ASXL2: variants seen among roughly 807,000 people sequenced by gnomAD.
ASXL2 encodes the protein ASXL transcriptional regulator 2, also known as putative Polycomb group protein ASXL2.
A neutral mutation model predicts 122.0 loss-of-function variants in ASXL2; 23 were observed. The observed-to-expected ratio is 0.19, with a 90% confidence interval of 0.14 to 0.27. The LOEUF is 0.27. ASXL2 is among the 10% of genes least tolerant of loss of function. The pLI is 1.00. For missense variants in ASXL2, 1,518 were observed against 1,713.8 expected (o/e 0.89, Z 2.02); for synonymous variants, 650 against 637.0 (o/e 1.02, Z -0.31).
intron 1 of ASXL2, among the ~76,000 whole-genome samples, chr2:25,873,972 A>C (rs1281889162): frequency 6.6e-6 from 1 of 152,222 alleles, no homozygotes; most frequent in Non-Finnish European, 1.5e-5. Flanking sequence ...CTTTGCAAAA[A>C]CTGCTAAAAT....
chr2:25,793,511 A>G (rs1487542722), intron 5 of ASXL2, among the ~76,000 whole-genome samples: 1 of 152,164 alleles, frequency 6.6e-6, no homozygotes, highest in African/African-American at 2.4e-5. Flanking sequence ...TTAAATTTTT[A>G]TTTTCTCCCA....
At chr2:25,827,334 A>G (rs1451013332) in intron 3 of ASXL2, among the ~76,000 whole-genome samples, 1 of 152,196 alleles carries the variant, frequency 6.6e-6, no homozygotes, top group East Asian at 1.9e-4. Flanking sequence ...CTTTACAAAC[A>G]GAAAACACAG....
chr2:25,800,409 T>C (rs778700586), intron 4 of ASXL2, among the ~76,000 whole-genome samples: 4 of 152,310 alleles, frequency 2.6e-5, no homozygotes, highest in Admixed American at 1.3e-4. Flanking sequence ...CAGTAAGAGA[T>C]AGTGCATTAT....
chr2:25,779,084 A>ATTTTTTTTTTTTTTTTTTTTTTTT (rs33911748), intron 5 of ASXL2, among the ~76,000 whole-genome samples: 1 of 99,412 alleles, frequency 1.0e-5, no homozygotes, highest in Non-Finnish European at 2.0e-5. Flanking sequence ...CTTTTTTCTG[A>ATTTTTTTTTTTTTTTTTTTTTTTT]TTTTTTTTTT....
At chr2:25,750,443 T>C (rs767780260) in intron 11 of ASXL2, 30 bp from the exon 12 acceptor site, 1 of 1,534,670 alleles carries the variant, frequency 6.5e-7, no homozygotes, top group Non-Finnish European at 8.8e-7. Flanking sequence ...AATATTCCAG[T>C]TGAAAAATAG....
chr2:25,844,305 G>C (rs2089623781), intron 2 of ASXL2, among the ~76,000 whole-genome samples: 1 of 152,094 alleles, frequency 6.6e-6, no homozygotes, highest in South Asian at 2.1e-4. Flanking sequence ...TATTGGCCAG[G>C]CATGGTGACT....
chr2:25,748,676 G>T (rs1376818949), intron 12 of ASXL2, among the ~76,000 whole-genome samples: 1 of 152,034 alleles, frequency 6.6e-6, no homozygotes, highest in Non-Finnish European at 1.5e-5. Context: ...TATTCAGTGC[G>T]TTGCCTCTTA....
chr2:25,793,416 T>C (rs1320048052), intron 5 of ASXL2, among the ~76,000 whole-genome samples: 1 of 152,160 alleles, frequency 6.6e-6, no homozygotes, highest in Non-Finnish European at 1.5e-5. Context: ...CAATGGATGA[T>C]TATAATGTCG....
At chr2:25,800,096 CCAA>C in intron 4 of ASXL2, among the ~76,000 whole-genome samples, 1 of 151,818 alleles carries the variant, frequency 6.6e-6, no homozygotes, top group South Asian at 2.1e-4. Context: ...GAGTTCAAGA[CCAA>C]CCTGGGCAAC....
chr2:25,769,112 T>TA (rs2088403134), intron 6 of ASXL2, among the ~76,000 whole-genome samples: 1 of 152,168 alleles, frequency 6.6e-6, no homozygotes, highest in African/African-American at 2.4e-5. Flanking sequence ...AAATGATTCT[T>TA]AGAGTTTGGA....
chr2:25,760,642 C>T (rs1026219590), intron 8 of ASXL2, among the ~76,000 whole-genome samples: 1 of 152,206 alleles, frequency 6.6e-6, no homozygotes, highest in Non-Finnish European at 1.5e-5. Flanking sequence ...TGGGTACACC[C>T]TCTGCCTCCT....
Position 25,744,142 on chromosome 2 carries a change from G to C in ASXL2, c.2195C>G (p.Ala732Gly). The change falls in exon 13 of 13, where the codon GCA becomes GGA. Residue 732 changes from alanine to glycine, a missense_variant. Around this residue, in one of 8 missense-constraint regions of ASXL2, gnomAD observed 831 missense variants for 833.1 expected, o/e 1.00. Coordinates refer to ENST00000435504, the MANE Select transcript of ASXL2 (RefSeq NM_018263.6). This position sits in a 1 kb window ranked among gnomAD's most constrained non-coding sequence, Gnocchi z 4.7. ...ETGKGPTLEL[A>G]GTGSRGGTRE... ...CGTACCTCCCCTGCTTCCAGTTCCT[G>C]CCAGTTCCAGTGTGGGGCCCTTTCC... The C allele has an allele frequency of 6.2e-7, 1 of 1,613,952 alleles. No homozygotes were observed. The highest frequency in any genetic ancestry group is 8.5e-7 in the Non-Finnish European group (1 of 1,179,870).
chr2:25,751,820 C>T (rs1380884577), intron 11 of ASXL2, among the ~76,000 whole-genome samples: 1 of 151,730 alleles, frequency 6.6e-6, no homozygotes, highest in African/African-American at 2.4e-5. Flanking sequence ...CTCACTTCGT[C>T]GCCCAGGCTG....
At chr2:25,808,089 A>G (rs1042353437) in intron 3 of ASXL2, among the ~76,000 whole-genome samples, 1 of 151,566 alleles carries the variant, frequency 6.6e-6, no homozygotes, top group Non-Finnish European at 1.5e-5. Context: ...ACTTGGGTAT[A>G]TGGGGGGGAA....
At chr2:25,783,705 G>A (rs1574414740) in intron 5 of ASXL2, among the ~76,000 whole-genome samples, 1 of 152,048 alleles carries the variant, frequency 6.6e-6, no homozygotes, top group African/African-American at 2.4e-5. Flanking sequence ...AAAGCGGGTG[G>A]GATCACTTGA....
intron 1 of ASXL2, among the ~76,000 whole-genome samples, chr2:25,861,121 T>C (rs768656893): frequency 3.3e-5 from 5 of 152,042 alleles, no homozygotes; most frequent in Non-Finnish European, 7.4e-5. Context: ...ACAAAAATTA[T>C]AACAGAAAAC....
At chr2:25,839,818 G>C (rs2089556252) in intron 2 of ASXL2, among the ~76,000 whole-genome samples, 5 of 149,912 alleles carry the variant, frequency 3.3e-5, no homozygotes, top group Admixed American at 2.7e-4. Context: ...AATATACGAG[G>C]TACTAATAAT....
intron 5 of ASXL2, among the ~76,000 whole-genome samples, chr2:25,785,390 G>A (rs951277351): frequency 1.3e-5 from 2 of 151,722 alleles, no homozygotes; most frequent in East Asian, 1.9e-4. Context: ...ATGTCAGGCC[G>A]ATTTCTTTAT....
rs762630527 is a variant in ASXL2, at chr2:25,743,773, A to G, written c.2564T>C (p.Val855Ala). The G allele has an allele frequency of 3.1e-6, 5 of 1,613,882 alleles. No homozygotes were observed. The highest frequency in any genetic ancestry group is 1.7e-5 in the Admixed American group (1 of 60,002). The change falls in exon 13 of 13, where the codon GTT becomes GCT. Residue 855 changes from valine (V) to alanine (A), a missense_variant. Around this residue, in one of 8 missense-constraint regions of ASXL2, gnomAD observed 831 missense variants for 833.1 expected, o/e 1.00. Coordinates refer to ENST00000435504, the MANE Select transcript of ASXL2 (RefSeq NM_018263.6). ...CTTACTAGGACCTGCTTTGAGCTCA[A>G]CTGTGCCATCAGCTGCACAATGAAC... Reference protein sequence around the residue: ...SPVHCAADGTVELKAGPSKNI... With the variant: ...SPVHCAADGTAELKAGPSKNI...
Sources: allele counts gnomAD v4.1 joint callset (sites outside exome capture counted in the v4.1 genomes callset), GRCh38; gene constraint gnomAD v4.1.1; regional missense constraint gnomAD v4.1.1; non-coding constraint Gnocchi (gnomAD v3.1); transcripts MANE v1.5; gene names NCBI Gene and HGNC (gene_info 2026-07-23, HGNC 2026-07-21).